The following CPA4 variants were observed in gnomAD, a reference collection of about 807,000 sequenced individuals.
The protein encoded by CPA4 is carboxypeptidase A4, also known as carboxypeptidase A3.
In CPA4, 49 loss-of-function variants were observed where a neutral mutation model predicts 54.7. The observed-to-expected ratio is 0.90, with a 90% CI of 0.71 to 1.14. The LOEUF (loss-of-function observed/expected upper bound fraction) is 1.14. Among genes scored for constraint, CPA4 ranks in the 50% most tolerant of loss-of-function variants. CPA4 has a pLI of 0.00. For missense variants in CPA4, 487 were observed against 525.1 expected (o/e 0.93, Z 0.71); for synonymous variants, 215 against 206.8 (o/e 1.04, Z -0.34).
rs1163830569 is a variant in CPA4 at position 130,324,159 on chromosome 7, T to A, written c.*1483T>A. 6.6e-6 allele frequency: 1 copy of A among 152,628 alleles called. No individual in the cohort carries two copies. The highest frequency in any genetic ancestry group is 1.5e-5 in the Non-Finnish European group (1 of 68,034). 9.5% of individuals were successfully genotyped at this position (152,628 alleles called of 1,614,324 possible). A position where few individuals can be genotyped will look rare whatever the true frequency, so the allele number is the denominator to read the frequency against. On this transcript the variant is annotated 3_prime_UTR_variant, in exon 11 of 11. Coordinates refer to ENST00000222482, the MANE Select transcript of CPA4 (RefSeq NM_016352.4). ...CATCTGGTGTGTGCTTATAAGCCAA[T>A]AAATATTCAATGTGAGTTTCATGAT...
intron 3 of CPA4, 37 bp downstream of exon 3, chr7:130,299,441 T>C (rs375149606): frequency 7.2e-5 from 116 of 1,605,076 alleles, no homozygotes; most frequent in Non-Finnish European, 9.0e-5. Context: ...TGCTCTTGCA[T>C]AGGACCAGGC....
chr7:130,306,005 G>A (rs1793814845), intron 6 of CPA4, 85 bp downstream of exon 6: 4 of 1,114,182 alleles, frequency 3.6e-6, no homozygotes, highest in African/African-American at 1.5e-5. Context: ...TGGGGCACGA[G>A]GTGGGAGGGT....
chr7:130,310,889 G>C lies in CPA4; in HGVS notation c.896G>C (p.Gly299Ala). ...GTGGTAGATTTCATCCAAAAACATG[G>C]GAATTTCAAGGGCTTCATCGACCTG... ...KSVVDFIQKH[G>A]NFKGFIDLHS... The change falls in exon 9 of 11, where the codon GGG becomes GCG. Residue 299 changes from glycine to alanine, a missense_variant. Physicochemically the swap from Gly to Ala is moderately conservative, Grantham distance 60. Transcript: ENST00000222482. The surrounding 1 kb of genome is among the most constrained non-coding windows in gnomAD (Gnocchi z 4.3). The C allele has an allele frequency of 6.2e-7, 1 of 1,614,120 alleles. No homozygotes were observed. The highest frequency in any genetic ancestry group is 8.5e-7 in the Non-Finnish European group (1 of 1,179,994).
chr7:130,303,985 T>C (rs1793779185), intron 4 of CPA4, among the ~76,000 whole-genome samples: 1 of 152,066 alleles, frequency 6.6e-6, no homozygotes, highest in African/African-American at 2.4e-5. Flanking sequence ...AATTTTAAAA[T>C]TTCTTTCTTT....
intron 8 of CPA4, among the ~76,000 whole-genome samples, chr7:130,308,987 A>T (rs1793872008): frequency 6.6e-6 from 1 of 151,756 alleles, no homozygotes; most frequent in African/African-American, 2.4e-5. Flanking sequence ...CTGGGATGAC[A>T]GGTGCATGCC....
At chr7:130,293,386 C>A in intron 1 of CPA4, 138 bp downstream of exon 1, 1 of 676,682 alleles carries the variant, frequency 1.5e-6, no homozygotes, top group East Asian at 2.7e-5. Flanking sequence ...CTGTGTCATC[C>A]TGGACAAGTC....
intron 10 of CPA4, among the ~76,000 whole-genome samples, chr7:130,319,311 G>A (rs2117168644): frequency 6.6e-6 from 1 of 152,266 alleles, no homozygotes; most frequent in African/African-American, 2.4e-5. Context: ...TGGTGATTGG[G>A]TTTTCACGCT....
intron 10 of CPA4, among the ~76,000 whole-genome samples, chr7:130,317,148 G>C (rs758470303): frequency 6.6e-6 from 1 of 152,284 alleles, no homozygotes; most frequent in East Asian, 1.9e-4. Flanking sequence ...GCTTCCCAAA[G>C]TGTTGAGATG....
intron 3 of CPA4, 26 bp downstream of exon 3, chr7:130,299,430 C>T (rs984450094): frequency 8.1e-6 from 13 of 1,610,818 alleles, no homozygotes; most frequent in African/African-American, 1.3e-5. Flanking sequence ...CTCCTGCCTC[C>T]TGCTCTTGCA....
At chr7:130,312,346 G>A (rs1793928212) in intron 10 of CPA4, among the ~76,000 whole-genome samples, 1 of 152,132 alleles carries the variant, frequency 6.6e-6, no homozygotes, top group African/African-American at 2.4e-5. Context: ...CATTTTCAAG[G>A]GAAACCCACC....
At chr7:130,315,839 T>C (rs1006448853) in intron 10 of CPA4, among the ~76,000 whole-genome samples, 1 of 152,174 alleles carries the variant, frequency 6.6e-6, no homozygotes, top group Non-Finnish European at 1.5e-5. Flanking sequence ...AAATAGAGCA[T>C]TGATGGGAAA....
intron 10 of CPA4, among the ~76,000 whole-genome samples, chr7:130,322,122 T>C (rs1037695954): frequency 6.6e-6 from 1 of 152,180 alleles, no homozygotes; most frequent in Admixed American, 6.5e-5. Context: ...CCCTATTTAA[T>C]GTAGGAGGGA....
intron 10 of CPA4, among the ~76,000 whole-genome samples, chr7:130,315,738 A>G (rs1793977973): frequency 6.6e-6 from 1 of 152,202 alleles, no homozygotes; most frequent in South Asian, 2.1e-4. Flanking sequence ...GGTAAAATTA[A>G]TTTGCCAGTC....
At chr7:130,301,339 A>C (rs1425380005) in intron 4 of CPA4, among the ~76,000 whole-genome samples, 6 of 152,218 alleles carry the variant, frequency 3.9e-5, no homozygotes, top group Non-Finnish European at 8.8e-5. Context: ...ATGACTACTT[A>C]TAATGTATAT....
chr7:130,295,544 C>G (rs1422248643), intron 1 of CPA4, among the ~76,000 whole-genome samples: 1 of 152,194 alleles, frequency 6.6e-6, no homozygotes, highest in Non-Finnish European at 1.5e-5. Context: ...AGGATGTGCT[C>G]CACCATCTTG....
At chr7:130,293,726 T>C (rs1214640776) in intron 1 of CPA4, among the ~76,000 whole-genome samples, 1 of 152,206 alleles carries the variant, frequency 6.6e-6, no homozygotes, top group Non-Finnish European at 1.5e-5. Flanking sequence ...AGCTGGTGCC[T>C]TCTCTTGATC....
chr7:130,317,636 G>C (rs568640957), intron 10 of CPA4, among the ~76,000 whole-genome samples: 2 of 152,110 alleles, frequency 1.3e-5, no homozygotes, highest in East Asian at 3.9e-4. Flanking sequence ...GCTAATTTTT[G>C]TATTTTTTTT....
intron 10 of CPA4, among the ~76,000 whole-genome samples, chr7:130,317,474 A>G (rs1794006995): frequency 6.6e-6 from 1 of 152,052 alleles, no homozygotes; most frequent in Admixed American, 6.6e-5. Context: ...ATTTCTCTAA[A>G]TTTTATGAGA....
At chr7:130,320,938 C>T (rs1019274045) in intron 10 of CPA4, among the ~76,000 whole-genome samples, 1 of 152,212 alleles carries the variant, frequency 6.6e-6, no homozygotes, top group Non-Finnish European at 1.5e-5. Flanking sequence ...GGGATTCACA[C>T]CTTTAATCCC....
Sources: allele counts gnomAD v4.1 joint callset (sites outside exome capture counted in the v4.1 genomes callset), GRCh38; gene constraint gnomAD v4.1.1; non-coding constraint Gnocchi (gnomAD v3.1); transcripts MANE v1.5; gene names NCBI Gene and HGNC (gene_info 2026-07-23, HGNC 2026-07-21).